IL1RAPL2: variants seen among roughly 807,000 people sequenced by gnomAD.
IL1RAPL2 encodes the protein X-linked interleukin-1 receptor accessory protein-like 2.
In IL1RAPL2, 3 loss-of-function variants were observed where a neutral mutation model predicts 44.1. That is an observed-to-expected ratio of 0.07 (90% confidence interval 0.03 to 0.18). The LOEUF (loss-of-function observed/expected upper bound fraction) is 0.18. IL1RAPL2 is among the 10% of genes least tolerant of loss of function. IL1RAPL2 has a pLI of 1.00. For synonymous variants in IL1RAPL2, 181 were observed against 178.8 expected (o/e 1.01, Z -0.10); for missense variants, 391 against 496.4 (o/e 0.79, Z 2.02).
At chrX:105,531,350 T>C (rs1389477064) in intron 6 of IL1RAPL2, among the ~76,000 whole-genome samples, 1 of 112,323 alleles carries the variant, frequency 8.9e-6, no homozygotes, top group African/African-American at 3.2e-5. Context: ...TTGTATGTCT[T>C]CTTTTGAGTA....
intron 6 of IL1RAPL2, among the ~76,000 whole-genome samples, chrX:105,512,119 G>C (rs2036474811): frequency 1.8e-5 from 2 of 111,006 alleles, no homozygotes; most frequent in African/African-American, 6.5e-5. Flanking sequence ...GCATTTCTGG[G>C]TGAAAAACTG....
chrX:104,781,712 A>G (rs1045777641), intron 2 of IL1RAPL2, among the ~76,000 whole-genome samples: 5 of 112,157 alleles, frequency 4.5e-5, no homozygotes, highest in African/African-American at 1.3e-4. Flanking sequence ...GCTCACATCA[A>G]TTCTGCTTAT....
At chrX:105,464,509 T>C (rs181979061) in intron 5 of IL1RAPL2, among the ~76,000 whole-genome samples, 107 of 111,554 alleles carry the variant, frequency 9.6e-4, no homozygotes, top group African/African-American at 3.4e-3. Context: ...AAAAACATCA[T>C]CAAACTTCTA....
chrX:104,967,516 CA>C (rs1465436834), intron 2 of IL1RAPL2, among the ~76,000 whole-genome samples: 1 of 81,054 alleles, frequency 1.2e-5, no homozygotes, highest in Non-Finnish European at 2.6e-5. Context: ...AAAATAAACA[CA>C]AAAAATAGAA....
chrX:105,731,337 C>T (rs1043580654), intron 7 of IL1RAPL2, among the ~76,000 whole-genome samples: 3 of 110,053 alleles, frequency 2.7e-5, no homozygotes, highest in African/African-American at 9.9e-5. Flanking sequence ...AAAGTGAACC[C>T]GAACAGACCA....
At chrX:105,030,433 A>G (rs895922380) in intron 2 of IL1RAPL2, among the ~76,000 whole-genome samples, 4 of 111,817 alleles carry the variant, frequency 3.6e-5, no homozygotes, top group Non-Finnish European at 7.5e-5. Flanking sequence ...TAAGGTTTAA[A>G]GAAGGGATCC....
intron 5 of IL1RAPL2, among the ~76,000 whole-genome samples, chrX:105,288,789 A>G (rs2034590327): frequency 9.0e-6 from 1 of 110,998 alleles, no homozygotes; most frequent in African/African-American, 3.3e-5. Context: ...GCTCACATTT[A>G]ATGGCCTCCA....
chrX:104,947,067 T>C (rs1432376964), intron 2 of IL1RAPL2, among the ~76,000 whole-genome samples: 1 of 110,095 alleles, frequency 9.1e-6, no homozygotes, highest in Non-Finnish European at 1.9e-5. Context: ...CCACATCCTC[T>C]CCAGCACTTC....
At chrX:105,503,033 G>A (rs987429697) in intron 6 of IL1RAPL2, among the ~76,000 whole-genome samples, 1 of 110,711 alleles carries the variant, frequency 9.0e-6, no homozygotes, top group African/African-American at 3.3e-5. Context: ...GCTCTCTGTG[G>A]TTAAGAACTG....
intron 3 of IL1RAPL2, among the ~76,000 whole-genome samples, chrX:105,228,103 C>A (rs191390383): frequency 8.9e-6 from 1 of 112,039 alleles, no homozygotes; most frequent in African/African-American, 3.2e-5. Flanking sequence ...CAGTCTTATT[C>A]AATGACTGTA....
At position 105,374,115 on chromosome X, in the gene IL1RAPL2, C is replaced by CAA. The variant is rs1177602549; in HGVS notation, c.697+106594_697+106595dup. On this transcript the variant is annotated intron_variant, in intron 5 of 10. Coordinates refer to ENST00000372582, the MANE Select transcript of IL1RAPL2 (RefSeq NM_017416.2). ...GACTGGGCAACAAGAGCAAGACTGT[C>CAA]AAAAAAAAAAAAAAAAAAAAAGAAA... is the stretch of plus-strand genomic sequence containing the variant. Among the ~76,000 whole-genome samples, 14 of 45,338 alleles carry CAA rather than the reference C, an allele frequency of 3.1e-4. No individual in the cohort carries two copies. In the East Asian group the frequency reaches 4.0e-3, roughly 13 times the overall value. 39.4% of individuals were successfully genotyped at this position (45,338 alleles called of 115,157 possible).
chrX:105,072,723 G>A (rs2032224713), intron 2 of IL1RAPL2, among the ~76,000 whole-genome samples: 1 of 110,546 alleles, frequency 9.0e-6, no homozygotes, highest in Non-Finnish European at 1.9e-5. Context: ...ACGTGGCATG[G>A]TGCTTTGCTG....
chrX:105,412,368 A>G (rs1007700161), intron 5 of IL1RAPL2, among the ~76,000 whole-genome samples: 5 of 108,075 alleles, frequency 4.6e-5, no homozygotes. Flanking sequence ...GCCATAAAAA[A>G]GAATGAAATC....
intron 2 of IL1RAPL2, among the ~76,000 whole-genome samples, chrX:104,677,032 T>A (rs943321410): frequency 9.0e-6 from 1 of 111,472 alleles, no homozygotes; most frequent in Non-Finnish European, 1.9e-5. Context: ...CTTCTTTGCC[T>A]TTGGTTTGAA....
intron 1 of IL1RAPL2, among the ~76,000 whole-genome samples, chrX:104,653,371 T>A (rs1930188993): frequency 9.0e-6 from 1 of 111,125 alleles, no homozygotes; most frequent in Non-Finnish European, 1.9e-5. Flanking sequence ...TAGGTGAGAA[T>A]TAGTCTCGGT....
chrX:105,609,901 A>G (rs1288692562), intron 6 of IL1RAPL2, among the ~76,000 whole-genome samples: 1 of 112,104 alleles, frequency 8.9e-6, no homozygotes, highest in Non-Finnish European at 1.9e-5. Flanking sequence ...AATAGATAAC[A>G]GTCTAATTTA....
chrX:105,510,961 A>G (rs780201091), intron 6 of IL1RAPL2, among the ~76,000 whole-genome samples: 7 of 111,803 alleles, frequency 6.3e-5, no homozygotes, highest in Non-Finnish European at 1.3e-4. Flanking sequence ...ACTTCATCTT[A>G]TGAGTAGGAA....
intron 2 of IL1RAPL2, among the ~76,000 whole-genome samples, chrX:104,791,041 T>C (rs1202820449): frequency 9.0e-6 from 1 of 111,419 alleles, no homozygotes; most frequent in Non-Finnish European, 1.9e-5. Context: ...AGCATTCCCA[T>C]TTTACAGTCA....
intron 2 of IL1RAPL2, among the ~76,000 whole-genome samples, chrX:105,077,704 T>G (rs2032331678): frequency 8.9e-6 from 1 of 112,005 alleles, no homozygotes; most frequent in Non-Finnish European, 1.9e-5. Flanking sequence ...ATTTGGTCGT[T>G]TCACATAGTC....
Sources: gnomAD v4.1 joint callset for allele counts (sites outside exome capture counted in the v4.1 genomes callset) on GRCh38, gnomAD v4.1.1 for gene constraint, MANE v1.5 for transcripts, NCBI Gene and HGNC (gene_info 2026-07-23, HGNC 2026-07-21) for gene names.